YIPF4: variants seen among roughly 807,000 people sequenced by gnomAD.
YIPF4 encodes protein YIPF4.
YIPF4 carries 18 observed loss-of-function variants against 29.4 expected under a neutral mutation model. The ratio of observed to expected loss-of-function variants is 0.61; its 90% confidence interval spans 0.42 to 0.91. YIPF4 has a LOEUF of 0.91. Ranked by LOEUF, YIPF4 falls within the 40% of genes least tolerant of loss-of-function variation. YIPF4 has a pLI of 0.00. For synonymous variants in YIPF4, 115 were observed against 104.7 expected (o/e 1.10, Z -0.60); for missense variants, 279 against 282.7 (o/e 0.99, Z 0.09).
chr2:32,280,251 C>T lies in YIPF4; in HGVS notation c.79+2017C>T, dbSNP rs928416653. On this transcript the variant is annotated intron_variant, in intron 1 of 5. Transcript: ENST00000238831. ...CATGCTATTCTCCTGCCTCAGCCTC[C>T]CGAGTAGCTGGAACTACAGGTGCCA... 2.6e-5 allele frequency among the ~76,000 whole-genome samples: 4 copies of T among 151,754 alleles called. 1 individual carries two copies. In the South Asian group the frequency reaches 6.2e-4, roughly 24 times the overall value.
intron 3 of YIPF4, among the ~76,000 whole-genome samples, chr2:32,294,930 G>T (rs2031111362): frequency 6.6e-6 from 1 of 152,194 alleles, no homozygotes; most frequent in Non-Finnish European, 1.5e-5. Context: ...AGTCAGGCGT[G>T]GCGGCGTGCG....
chr2:32,289,050 A>C (rs2030804823), intron 1 of YIPF4, among the ~76,000 whole-genome samples: 1 of 152,246 alleles, frequency 6.6e-6, no homozygotes, highest in Admixed American at 6.5e-5. Context: ...TAGACAAAGA[A>C]GTAGCAAGCA....
chr2:32,301,535 C>A, intron 5 of YIPF4, 40 bp downstream of exon 5: 1 of 1,415,960 alleles, frequency 7.1e-7, no homozygotes, highest in Non-Finnish European at 9.9e-7. Flanking sequence ...TACTGTTTTC[C>A]AATGTCAAAA....
At chr2:32,300,069 C>G (rs986534524) in intron 4 of YIPF4, among the ~76,000 whole-genome samples, 2 of 152,166 alleles carry the variant, frequency 1.3e-5, no homozygotes, top group Non-Finnish European at 2.9e-5. Context: ...GAGTTTGAGA[C>G]CAGCCTGTCC....
intron 5 of YIPF4, 77 bp downstream of exon 5, chr2:32,301,572 T>G: frequency 3.1e-6 from 3 of 977,548 alleles, no homozygotes; most frequent in Non-Finnish European, 4.7e-6. Flanking sequence ...GCTAGGAATA[T>G]TGTGATATAA....
Position 32,315,555 on chromosome 2 carries a change from C to T in YIPF4, c.*9929C>T, listed in dbSNP as rs1224748205. ...CTGAGGTCAGGAGATCGAGACCATC[C>T]TGGTTAACGTGGTGAAACCCCGTCT... On this transcript the variant is annotated 3_prime_UTR_variant, in exon 6 of 6. Coordinates refer to ENST00000238831, the MANE Select transcript of YIPF4 (RefSeq NM_032312.4). 1.3e-5 allele frequency: 2 copies of T among 152,016 alleles called. No individual in the cohort carries two copies. Among genetic ancestry groups the T allele is most frequent in the African/African-American group, 4.8e-5 (2 of 41,362 alleles). 9.4% of individuals were successfully genotyped at this position (152,016 alleles called of 1,614,324 possible).
intron 5 of YIPF4, among the ~76,000 whole-genome samples, chr2:32,305,143 A>G (rs925898956): frequency 6.6e-6 from 1 of 152,156 alleles, no homozygotes; most frequent in Non-Finnish European, 1.5e-5. Flanking sequence ...CTTATTTAAA[A>G]TACTGATAAC....
intron 1 of YIPF4, among the ~76,000 whole-genome samples, chr2:32,278,569 A>G (rs2030220273): frequency 6.6e-6 from 1 of 152,200 alleles, no homozygotes; most frequent in African/African-American, 2.4e-5. Flanking sequence ...CTTACTCAGA[A>G]AAAGGACAGA....
chr2:32,278,537 T>G (rs1461675908), intron 1 of YIPF4, among the ~76,000 whole-genome samples: 2 of 152,032 alleles, frequency 1.3e-5, no homozygotes, highest in Non-Finnish European at 2.9e-5. Flanking sequence ...ATCCTAAGCT[T>G]TTAGTTCTGG....
rs985599713 is a variant in YIPF4 at position 32,310,505 on chromosome 2, C to G, written c.*4879C>G. 6.6e-6 allele frequency: 1 copy of G among 152,076 alleles called. No individual in the cohort carries two copies. Among genetic ancestry groups the G allele is most frequent in the Non-Finnish European group, 1.5e-5 (1 of 68,024 alleles). The allele number at this position is 152,076 out of a possible 1,614,324, so 9.4% of individuals were successfully genotyped here. On this transcript the variant is annotated 3_prime_UTR_variant, in exon 6 of 6. Transcript: ENST00000238831. ...GTCTTCCCTGCAGAATCCAAGTATA[C>G]AAAAAGTAGGCCTATCATTTATATG...
At chr2:32,279,777 CTTG>C (rs1013293579) in intron 1 of YIPF4, among the ~76,000 whole-genome samples, 2 of 151,650 alleles carry the variant, frequency 1.3e-5, no homozygotes, top group South Asian at 2.1e-4. Flanking sequence ...TTTTGTTTTT[CTTG>C]TTGTGCTGTT....
intron 1 of YIPF4, among the ~76,000 whole-genome samples, chr2:32,283,786 T>A (rs1235579546): frequency 6.6e-6 from 1 of 152,008 alleles, no homozygotes. Context: ...GGCGCAATCT[T>A]GGCTCATTGC....
At chr2:32,284,481 C>A (rs187421166) in intron 1 of YIPF4, among the ~76,000 whole-genome samples, 12 of 152,220 alleles carry the variant, frequency 7.9e-5, no homozygotes, top group Admixed American at 7.9e-4. Context: ...TGAGTTCTCA[C>A]AAGGTCTGGT....
intron 3 of YIPF4, among the ~76,000 whole-genome samples, chr2:32,294,053 C>T (rs1219899143): frequency 6.7e-6 from 1 of 149,094 alleles, no homozygotes; most frequent in African/African-American, 2.5e-5. Flanking sequence ...TCCTCACTTC[C>T]CAGTAGGGGC....
intron 1 of YIPF4, among the ~76,000 whole-genome samples, chr2:32,279,060 C>T (rs1319146666): frequency 2.0e-5 from 3 of 151,850 alleles, no homozygotes; most frequent in East Asian, 3.9e-4. Context: ...CTCCGCCTCC[C>T]GGGTTCACGC....
chr2:32,281,799 G>A (rs2030427027), intron 1 of YIPF4, among the ~76,000 whole-genome samples: 1 of 151,154 alleles, frequency 6.6e-6, no homozygotes, highest in Admixed American at 6.6e-5. Context: ...GGAGGCTGAG[G>A]CAGGAGAATC....
At chr2:32,298,409 TCCCAGA>T in intron 4 of YIPF4, 98 bp downstream of exon 4, 1 of 869,882 alleles carries the variant, frequency 1.1e-6, no homozygotes, top group Non-Finnish European at 1.8e-6. Context: ...AACTTTCTTG[TCCCAGA>T]ATTGCTTTAT....
At chr2:32,280,144 T>C (rs2148956324) in intron 1 of YIPF4, among the ~76,000 whole-genome samples, 1 of 151,558 alleles carries the variant, frequency 6.6e-6, no homozygotes, top group Non-Finnish European at 1.5e-5. Flanking sequence ...TATTTTTTTT[T>C]TGAGGCGGAG....
intron 3 of YIPF4, among the ~76,000 whole-genome samples, chr2:32,296,699 T>C (rs749514394): frequency 6.6e-6 from 1 of 152,214 alleles, no homozygotes; most frequent in Non-Finnish European, 1.5e-5. Context: ...GGTTAGGTGA[T>C]AGGGTAGTAT....
Sources: gnomAD v4.1 joint callset for allele counts (sites outside exome capture counted in the v4.1 genomes callset) on GRCh38, gnomAD v4.1.1 for gene constraint, MANE v1.5 for transcripts, NCBI Gene and HGNC (gene_info 2026-07-23, HGNC 2026-07-21) for gene names.